KIAA1217: variants seen among roughly 807,000 people sequenced by gnomAD.
KIAA1217 encodes the protein KIAA1217, also known as sickle tail protein homolog.
In KIAA1217, 88 loss-of-function variants were observed where a neutral mutation model predicts 163.9. That is an observed-to-expected ratio of 0.54 (90% CI 0.45 to 0.64). The LOEUF (loss-of-function observed/expected upper bound fraction) is 0.64. KIAA1217 is among the 30% of genes least tolerant of loss of function. The pLI is 0.00. For missense variants in KIAA1217, 2,372 were observed against 2,475.0 expected, an observed-to-expected ratio of 0.96 and a Z score of 0.88; for synonymous variants, 903 against 923.1, an observed-to-expected ratio of 0.98 and a Z score of 0.39.
In KIAA1217 at chr10:24,544,121, C is replaced by G; in HGVS notation, c.4851C>G (p.His1617Gln). 18 of 1,614,136 alleles carry G rather than the reference C, an allele frequency of 1.1e-5. No individual in the cohort carries two copies. Among genetic ancestry groups the G allele is most frequent in the Non-Finnish European group, 1.5e-5 (18 of 1,180,042 alleles). The change falls in exon 19 of 21, where the codon CAC (histidine) becomes CAG (glutamine). Residue 1617 changes from histidine to glutamine, a missense_variant. Transcript: ENST00000376454. ...EEEEDGTLKQHKEAKRFEIAR... is the reference protein window; with the variant it reads ...EEEEDGTLKQQKEAKRFEIAR... ...AAGAGGATGGCACCCTGAAACAGCACAAAGAAGCCAAGCGCTTCGAAATCG... is the reference window on the plus strand; with the variant it reads ...AAGAGGATGGCACCCTGAAACAGCAGAAAGAAGCCAAGCGCTTCGAAATCG...
chr10:23,723,829 C>T (rs781047691), intron 1 of KIAA1217, among the ~76,000 whole-genome samples: 12 of 151,938 alleles, frequency 7.9e-5, no homozygotes, highest in South Asian at 2.1e-4. Context: ...TGTATTAGGC[C>T]GTTCTCAGAT....
At chr10:23,977,156 C>T (rs1246584476) in intron 1 of KIAA1217, among the ~76,000 whole-genome samples, 2 of 152,200 alleles carry the variant, frequency 1.3e-5, no homozygotes, top group East Asian at 3.9e-4. Context: ...TGATTTGTGA[C>T]CCAAAATTTG....
intron 2 of KIAA1217, among the ~76,000 whole-genome samples, chr10:24,044,367 T>G (rs1848836513): frequency 6.6e-6 from 1 of 152,154 alleles, no homozygotes; most frequent in Admixed American, 6.5e-5. Flanking sequence ...CTCACTAAGA[T>G]TTTTGTGTTA....
At chr10:24,201,446 A>G (rs1232911463) in intron 2 of KIAA1217, among the ~76,000 whole-genome samples, 1 of 152,168 alleles carries the variant, frequency 6.6e-6, no homozygotes, top group African/African-American at 2.4e-5. Context: ...AGTGTTTACA[A>G]AGCAAAACGA....
At chr10:24,405,171 T>TTCAAAA (rs1462193341) in intron 3 of KIAA1217, among the ~76,000 whole-genome samples, 2 of 152,108 alleles carry the variant, frequency 1.3e-5, no homozygotes, top group Non-Finnish European at 2.9e-5. Context: ...CTGAATAAGC[T>TTCAAAA]CTGTGGGTTG....
chr10:24,351,214 C>T (rs2048419942), intron 2 of KIAA1217, among the ~76,000 whole-genome samples: 1 of 152,232 alleles, frequency 6.6e-6, no homozygotes, highest in African/African-American at 2.4e-5. Context: ...TCCCAAAGTG[C>T]TGGGATTACA....
intron 1 of KIAA1217, among the ~76,000 whole-genome samples, chr10:23,918,146 G>A (rs968113139): frequency 2.1e-5 from 3 of 144,522 alleles, no homozygotes; most frequent in African/African-American, 8.3e-5. Flanking sequence ...CAGAGTAGCT[G>A]GGACTTTTTT....
intron 1 of KIAA1217, among the ~76,000 whole-genome samples, chr10:24,002,705 G>A (rs61849228): frequency 0.21 from 32,076 of 151,980 alleles, 4,070 homozygotes; most frequent in Non-Finnish European, 0.27. Flanking sequence ...TGGTTCCATG[G>A]ATAAGTTTGT....
chr10:24,203,184 CAAAA>C (rs5783879), intron 2 of KIAA1217, among the ~76,000 whole-genome samples: 1 of 132,230 alleles, frequency 7.6e-6, no homozygotes, highest in Non-Finnish European at 1.6e-5. Context: ...AAAAACTTGT[CAAAA>C]AAAAAAAAAA....
At position 24,473,722 on chromosome 10, in the gene KIAA1217, A is replaced by C. The variant is rs746695949; in HGVS notation, c.1341A>C (p.Glu447Asp). The change falls in exon 6 of 21, where the codon GAA (glutamate) becomes GAC (aspartate). Residue 447 changes from glutamate to aspartate, a missense_variant. By Grantham distance (45) the Glu-to-Asp change is conservative. Around this residue, in one of 3 missense-constraint regions of KIAA1217, gnomAD observed 1,431 missense variants for 1,470.3 expected, o/e 0.97. Transcript: ENST00000376454. Reference protein sequence around the residue: ...NPSMQAEMHMEQSLYRQKSRK... With the variant: ...NPSMQAEMHMDQSLYRQKSRK... ...CAATGCAAGCGGAAATGCATATGGAACAATCACTGTACAGACAGAAATCAA... is the reference window on the plus strand; with the variant it reads ...CAATGCAAGCGGAAATGCATATGGACCAATCACTGTACAGACAGAAATCAA... 1 of 1,613,966 alleles carries C rather than the reference A, an allele frequency of 6.2e-7. No homozygotes were observed. Among genetic ancestry groups the C allele is most frequent in the Non-Finnish European group, 8.5e-7 (1 of 1,180,030 alleles).
intron 1 of KIAA1217, among the ~76,000 whole-genome samples, chr10:23,849,112 T>C (rs1222781115): frequency 6.6e-6 from 1 of 152,106 alleles, no homozygotes; most frequent in Non-Finnish European, 1.5e-5. Flanking sequence ...CTGTTGTTGA[T>C]ACAATTCTTC....
At chr10:24,183,453 G>A (rs922785888) in intron 2 of KIAA1217, among the ~76,000 whole-genome samples, 2 of 152,196 alleles carry the variant, frequency 1.3e-5, no homozygotes, top group Middle Eastern at 6.8e-3. Context: ...CTTCAGAAAA[G>A]AGAATAATGA....
At chr10:24,295,422 G>A (rs1564422436) in intron 2 of KIAA1217, among the ~76,000 whole-genome samples, 2 of 152,136 alleles carry the variant, frequency 1.3e-5, no homozygotes, top group Admixed American at 6.5e-5. Flanking sequence ...AAAGATTTAT[G>A]ACTGTGTCTA....
At chr10:23,840,830 G>A (rs1465745573) in intron 1 of KIAA1217, among the ~76,000 whole-genome samples, 1 of 152,164 alleles carries the variant, frequency 6.6e-6, no homozygotes, top group Non-Finnish European at 1.5e-5. Context: ...AACTGATAAT[G>A]ATCGACTTTC....
chr10:24,232,935 C>CAA (rs908492411), intron 2 of KIAA1217, among the ~76,000 whole-genome samples: 10,418 of 56,288 alleles, frequency 0.19, 2,450 homozygotes, highest in Middle Eastern at 0.25. Context: ...CTTATCTCTA[C>CAA]AAAAAAAAAA....
chr10:23,730,857 G>T (rs766573130), intron 1 of KIAA1217, among the ~76,000 whole-genome samples: 4 of 152,140 alleles, frequency 2.6e-5, no homozygotes, highest in African/African-American at 4.8e-5. Flanking sequence ...CTGAAACCTT[G>T]CTATAATTGC....
At chr10:24,160,273 G>A (rs1186289940) in intron 2 of KIAA1217, among the ~76,000 whole-genome samples, 1 of 151,746 alleles carries the variant, frequency 6.6e-6, no homozygotes, top group East Asian at 1.9e-4. Flanking sequence ...CAAAAAAAAA[G>A]CCTTCTGGAA....
chr10:24,471,644 A>C (rs569005512), intron 5 of KIAA1217, among the ~76,000 whole-genome samples: 65 of 152,192 alleles, frequency 4.3e-4, no homozygotes, highest in Admixed American at 3.5e-3. Flanking sequence ...GCACTGTGGG[A>C]GGCCGAGGCA....
chr10:23,897,417 T>C (rs1332627952), intron 1 of KIAA1217, among the ~76,000 whole-genome samples: 1 of 152,104 alleles, frequency 6.6e-6, no homozygotes, highest in Non-Finnish European at 1.5e-5. Context: ...TGCTCTTGGC[T>C]TTGGTCTGAA....
Sources: allele counts gnomAD v4.1 joint callset (sites outside exome capture counted in the v4.1 genomes callset), GRCh38; gene constraint gnomAD v4.1.1; regional missense constraint gnomAD v4.1.1; transcripts MANE v1.5; gene names NCBI Gene and HGNC (gene_info 2026-07-23, HGNC 2026-07-21).